Variants in TSPAN32 observed in about 807,000 individuals in gnomAD.
TSPAN32 encodes tetraspanin-32.
Under a neutral mutation model 42.7 loss-of-function variants are expected in TSPAN32, and 47 were observed. The observed-to-expected ratio is 1.10, with a 90% CI of 0.87 to 1.40. The LOEUF is 1.40. Ranked by LOEUF, TSPAN32 falls within the 40% of genes most tolerant of loss-of-function variation. TSPAN32 has a pLI of 0.00. For synonymous variants in TSPAN32, 175 were observed against 175.9 expected (o/e 0.99, Z 0.04); for missense variants, 469 against 424.1 (o/e 1.11, Z -0.93).
At chr11:2,315,304 C>T (rs1219905416) in intron 6 of TSPAN32, 4 of 1,177,356 alleles carry the variant, frequency 3.4e-6, no homozygotes, top group Non-Finnish European at 3.2e-6. Context: ...TGGCTGGAGG[C>T]CTGGTGAGGG....
chr11:2,312,298 C>T (rs1023208054), intron 4 of TSPAN32, among the ~76,000 whole-genome samples: 1 of 152,206 alleles, frequency 6.6e-6, no homozygotes, highest in Non-Finnish European at 1.5e-5. Flanking sequence ...CTCACCAGGA[C>T]CTCCACCCAC....
At chr11:2,311,426 G>T (rs1345576964) in intron 4 of TSPAN32, among the ~76,000 whole-genome samples, 2 of 152,180 alleles carry the variant, frequency 1.3e-5, no homozygotes, top group Non-Finnish European at 2.9e-5. Context: ...CCCTCCCCCT[G>T]TGCCCTGACG....
At position 2,304,185 on chromosome 11, in the gene TSPAN32, C is replaced by T. The variant is rs972986202; in HGVS notation, c.260C>T (p.Ala87Val). 25 of 1,579,750 alleles carry T rather than the reference C, an allele frequency of 1.6e-5. No homozygotes were observed. The highest frequency in any genetic ancestry group is 4.1e-5 in the African/African-American group (3 of 74,016). The change falls in exon 3 of 10, where the codon GCC (alanine) becomes GTC (valine). Residue 87 changes from alanine (A) to valine (V), a missense_variant. By Grantham distance (64) the Ala-to-Val change is moderately conservative (BLOSUM62 0). Coordinates refer to ENST00000182290, the MANE Select transcript of TSPAN32 (RefSeq NM_139022.3). This position sits in a 1 kb window ranked among gnomAD's most constrained non-coding sequence, Gnocchi z 4.8. Reference protein sequence around the residue: ...VLSAAATVREAQGLMAGGFLC... With the variant: ...VLSAAATVREVQGLMAGGFLC... ...AGCGCTGCAGCCACCGTGAGGGAGG[C>T]CCAGGGCCTCATGGCAGGGGTGAGT...
chr11:2,306,571 A>AAG (rs1190201771), intron 3 of TSPAN32, among the ~76,000 whole-genome samples: 1 of 147,760 alleles, frequency 6.8e-6, no homozygotes, highest in Admixed American at 6.7e-5. Flanking sequence ...GAAAGAGAGA[A>AAG]AGAGAGAGAG....
rs761187027 is a variant in TSPAN32 at position 2,317,822 on chromosome 11, G to A, written c.902-41G>A. Reference sequence around the variant, plus strand: ...TCTATGCTGCGTAAGAAGCAGCATGGATGTAAGGACTGCAAGCAGTGCCCA... The same window carrying A: ...TCTATGCTGCGTAAGAAGCAGCATGAATGTAAGGACTGCAAGCAGTGCCCA... On this transcript the variant is annotated intron_variant, in intron 9 of 9. Coordinates refer to ENST00000182290, the MANE Select transcript of TSPAN32 (RefSeq NM_139022.3). The surrounding 1 kb of genome is among the most constrained non-coding windows in gnomAD (Gnocchi z 6.2). 3 of 1,608,444 alleles carry A rather than the reference G, an allele frequency of 1.9e-6. No individual in the cohort carries two copies. Among genetic ancestry groups the A allele is most frequent in the Admixed American group, 1.7e-5 (1 of 59,638 alleles).
At chr11:2,303,258 C>G (rs1847870453) in intron 2 of TSPAN32, among the ~76,000 whole-genome samples, 1 of 151,742 alleles carries the variant, frequency 6.6e-6, no homozygotes, top group Admixed American at 6.6e-5. Context: ...TGGCTCTGTG[C>G]AGTCAGGGCT....
Position 2,308,777 on chromosome 11 carries a change from G to T in TSPAN32, c.321G>T (p.Gln107His), listed in dbSNP as rs1454245862. 2 of 1,573,820 alleles carry T rather than the reference G, an allele frequency of 1.3e-6. No individual in the cohort carries two copies. Among genetic ancestry groups the T allele is most frequent in the African/African-American group, 2.7e-5 (2 of 73,604 alleles). Residue 107 changes from glutamine to histidine, a missense_variant, in exon 4 of 10, where the codon CAG becomes CAT. Coordinates refer to ENST00000182290, the MANE Select transcript of TSPAN32 (RefSeq NM_139022.3). ...CFSLAFCAQV[Q>H]VVFWRLHSPT... ...CCCTGGCGTTCTGCGCACAGGTGCAGGTGGTGTTCTGGAGACTCCACAGCC... is the reference window on the plus strand; with the variant it reads ...CCCTGGCGTTCTGCGCACAGGTGCATGTGGTGTTCTGGAGACTCCACAGCC...
At chr11:2,302,323 C>A (rs1005100423) in intron 1 of TSPAN32, 108 bp downstream of exon 1, 11 of 1,190,132 alleles carry the variant, frequency 9.2e-6, no homozygotes, top group South Asian at 2.5e-5. Flanking sequence ...ACACACCAGC[C>A]CTACTGTCCC....
chr11:2,304,615 G>A lies in TSPAN32; in HGVS notation c.279+411G>A, dbSNP rs1847966601. On this transcript the variant is annotated intron_variant, in intron 3 of 9. Transcript: ENST00000182290. The surrounding 1 kb of genome is among the most constrained non-coding windows in gnomAD (Gnocchi z 4.8). ...GGGCACTGGGAGCATCCCATTTCCTGTTCGGAGGAGGCCGGGCCAGGCTCA... is the reference window on the plus strand; with the variant it reads ...GGGCACTGGGAGCATCCCATTTCCTATTCGGAGGAGGCCGGGCCAGGCTCA... Among the ~76,000 whole-genome samples, 1 of 152,074 alleles carries A rather than the reference G, an allele frequency of 6.6e-6. No homozygotes were observed. The highest frequency in any genetic ancestry group is 1.5e-5 in the Non-Finnish European group (1 of 68,002).
At position 2,313,875 on chromosome 11, in the gene TSPAN32, C is replaced by A; in HGVS notation, c.456+120C>A. The A allele has an allele frequency of 1.2e-6, 1 of 821,032 alleles. No individual in the cohort carries two copies. The highest frequency in any genetic ancestry group is 1.9e-6 in the Non-Finnish European group (1 of 518,208). The allele number at this position is 821,032 out of a possible 1,614,324, so 50.9% of individuals were successfully genotyped here. On this transcript the variant is annotated intron_variant, in intron 5 of 9. Coordinates refer to ENST00000182290, the MANE Select transcript of TSPAN32 (RefSeq NM_139022.3). The surrounding 1 kb of genome is among the most constrained non-coding windows in gnomAD (Gnocchi z 9.1). ...CAGGCACCGAGGGGGTTCCAGGACACAGGCCAGAGTTGCCCCTCAGGGCTG... is the reference window on the plus strand; with the variant it reads ...CAGGCACCGAGGGGGTTCCAGGACAAAGGCCAGAGTTGCCCCTCAGGGCTG...
chr11:2,303,019 C>T (rs7106334), intron 2 of TSPAN32, 61 bp downstream of exon 2: 17 of 1,473,190 alleles, frequency 1.2e-5, no homozygotes, highest in African/African-American at 6.9e-5. Flanking sequence ...GTGGCTGGCA[C>T]GAGCCCAGCT....
intron 2 of TSPAN32, among the ~76,000 whole-genome samples, 187 bp from the exon 3 acceptor site, chr11:2,303,920 A>G (rs551594884): frequency 6.6e-6 from 1 of 152,108 alleles, no homozygotes. Context: ...GCAGTCCCCC[A>G]GGCTGAACGA....
intron 8 of TSPAN32, 102 bp downstream of exon 8, chr11:2,316,769 G>A: frequency 1.6e-6 from 2 of 1,286,092 alleles, no homozygotes; most frequent in South Asian, 3.1e-5. Context: ...CCGGGACCAA[G>A]CCCCAGGCTG....
rs867096224 is a variant in TSPAN32 at position 2,315,358 on chromosome 11, G to A, written c.543+787G>A. 2.7e-5 allele frequency: 31 copies of A among 1,157,746 alleles called. No individual in the cohort carries two copies. The Middle Eastern group carries it at 2.1e-3, about 78-fold the overall frequency. The allele number at this position is 1,157,746 out of a possible 1,614,324, so 71.7% of individuals were successfully genotyped here. A position where few individuals can be genotyped will look rare whatever the true frequency, so the allele number is the denominator to read the frequency against. ...CTCTGAGGGCAGAAGGGCTGGCGCTGAGGATGGTGCTGGGGAGGGACCAGC... is the reference window on the plus strand; with the variant it reads ...CTCTGAGGGCAGAAGGGCTGGCGCTAAGGATGGTGCTGGGGAGGGACCAGC... On this transcript the variant is annotated intron_variant, in intron 6 of 9. Transcript: ENST00000182290.
intron 6 of TSPAN32, 22 bp downstream of exon 6, chr11:2,314,593 T>C: frequency 6.3e-7 from 1 of 1,585,594 alleles, no homozygotes; most frequent in African/African-American, 1.3e-5. Context: ...ACCTGGATGC[T>C]GGCCAGGCAA....
At position 2,313,025 on chromosome 11, in the gene TSPAN32, G is replaced by C. The variant is rs908920997; in HGVS notation, c.355-629G>C. On this transcript the variant is annotated intron_variant, in intron 4 of 9. Transcript: ENST00000182290. The surrounding 1 kb of genome is among the most constrained non-coding windows in gnomAD (Gnocchi z 9.1). ...GTGGAGACATGAGGTCCAGGTGTTG[G>C]TGAGGTGTGGAGCGCAGGCAGCACA... Among the ~76,000 whole-genome samples the C allele has an allele frequency of 1.3e-5, 2 of 152,166 alleles. No individual in the cohort carries two copies. The highest frequency in any genetic ancestry group is 4.8e-5 in the African/African-American group (2 of 41,440).
intron 6 of TSPAN32, 110 bp downstream of exon 6, chr11:2,314,681 C>A: frequency 2.3e-6 from 2 of 858,398 alleles, no homozygotes; most frequent in Non-Finnish European, 3.7e-6. Context: ...TTGGCCTCCC[C>A]AGACCCTTGG....
chr11:2,309,585 T>A (rs1848345443), intron 4 of TSPAN32: 1 of 305,034 alleles, frequency 3.3e-6, no homozygotes, highest in Non-Finnish European at 6.8e-6. Context: ...CAGGAGAGCC[T>A]GGCAGGTCAC....
intron 3 of TSPAN32, among the ~76,000 whole-genome samples, chr11:2,306,046 C>CTGTGTGTGTG (rs56961357): frequency 0.081 from 11,873 of 147,250 alleles, 928 homozygotes; most frequent in African/African-American, 0.2. Flanking sequence ...GCAGGTGCCT[C>CTGTGTGTGTG]TGTGTGTGTG....
Sources: allele counts gnomAD v4.1 joint callset (sites outside exome capture counted in the v4.1 genomes callset), GRCh38; gene constraint gnomAD v4.1.1; non-coding constraint Gnocchi (gnomAD v3.1); transcripts MANE v1.5; gene names NCBI Gene and HGNC (gene_info 2026-07-23, HGNC 2026-07-21).